ADGRG4: variants seen among roughly 807,000 people sequenced by gnomAD.
The protein encoded by ADGRG4 is adhesion G protein-coupled receptor G4, also known as G protein-coupled receptor 112.
In ADGRG4, 122 loss-of-function variants were observed where a neutral mutation model predicts 126.2. That is an observed-to-expected ratio of 0.97 (90% CI 0.83 to 1.12). ADGRG4 has a LOEUF of 1.12. ADGRG4 is among the 50% of genes most tolerant of loss of function. The probability of loss-of-function intolerance (pLI) is 0.00; values close to 1 mark genes in which losing one functional copy is unlikely to be tolerated. For missense variants in ADGRG4, 2,481 were observed against 2,251.8 expected (o/e 1.10, Z -2.06); for synonymous variants, 943 against 838.7 (o/e 1.12, Z -2.15).
intron 12 of ADGRG4, among the ~76,000 whole-genome samples, chrX:136,362,780 G>A (rs1019963876): frequency 1.8e-5 from 2 of 111,695 alleles, no homozygotes; most frequent in Admixed American, 9.5e-5. Flanking sequence ...TGAAAGTAAC[G>A]TCTCTTTCCT....
At position 136,371,324 on chromosome X, in the gene ADGRG4, C is replaced by T. The variant is rs766168876; in HGVS notation, c.7397-4C>T. On this transcript the variant is annotated splice_polypyrimidine_tract_variant and splice_region_variant and intron_variant, in intron 13 of 25. Transcript: ENST00000394143. ...GCTTTTATGTCTCAACTTTCTTTCC[C>T]CAGAGAATGCTGAGGATGTTGCAGA... 8 of 1,141,922 alleles carry T rather than the reference C, an allele frequency of 7.0e-6. No homozygotes were observed. In the East Asian group the frequency reaches 1.5e-4, roughly 22 times the overall value. 94.1% of individuals were successfully genotyped at this position (1,141,922 alleles called of 1,213,427 possible). A position where few individuals can be genotyped will look rare whatever the true frequency, so the allele number is the denominator to read the frequency against.
intron 8 of ADGRG4, among the ~76,000 whole-genome samples, chrX:136,355,264 T>TAAC (rs2075086600): frequency 9.2e-6 from 1 of 109,251 alleles, no homozygotes; most frequent in Non-Finnish European, 1.9e-5. Flanking sequence ...GAGACACATA[T>TAAC]AACACATCAG....
At chrX:136,342,194 AT>A (rs2074982885) in intron 5 of ADGRG4, among the ~76,000 whole-genome samples, 1 of 111,966 alleles carries the variant, frequency 8.9e-6, no homozygotes, top group African/African-American at 3.2e-5. Flanking sequence ...GTTCTCTGAG[AT>A]TTCTGTCTTC....
chrX:136,375,132 A>G (rs1440472696), intron 15 of ADGRG4, among the ~76,000 whole-genome samples: 1 of 111,068 alleles, frequency 9.0e-6, no homozygotes, highest in Non-Finnish European at 1.9e-5. Context: ...AGAATATATG[A>G]TATTTGGTTT....
intron 19 of ADGRG4, among the ~76,000 whole-genome samples, chrX:136,397,457 T>G (rs2075355851): frequency 9.1e-6 from 1 of 110,024 alleles, no homozygotes; most frequent in African/African-American, 3.3e-5. Flanking sequence ...GTTTGTTAAT[T>G]TTGTGAAGGC....
At chrX:136,362,957 T>C (rs2075137217) in intron 12 of ADGRG4, among the ~76,000 whole-genome samples, 1 of 111,600 alleles carries the variant, frequency 9.0e-6, no homozygotes, top group African/African-American at 3.3e-5. Flanking sequence ...ATTCCTAGAA[T>C]GGAGTGGGTG....
chrX:136,372,531 G>A (rs925970387), intron 14 of ADGRG4, among the ~76,000 whole-genome samples: 1 of 111,829 alleles, frequency 8.9e-6, no homozygotes, highest in African/African-American at 3.2e-5. Flanking sequence ...TCCATTACAC[G>A]TAGAATAAAA....
intron 16 of ADGRG4, among the ~76,000 whole-genome samples, chrX:136,388,532 A>G (rs1359759796): frequency 4.5e-5 from 5 of 112,254 alleles, no homozygotes; most frequent in Non-Finnish European, 9.4e-5. Flanking sequence ...AGAATTCCTT[A>G]TAGAGCTATT....
At chrX:136,371,590 A>T in intron 14 of ADGRG4, 46 bp downstream of exon 14, 1 of 788,137 alleles carries the variant, frequency 1.3e-6, no homozygotes, top group Non-Finnish European at 1.8e-6. Context: ...TAAAAAATTT[A>T]AAATGCAGAC....
At chrX:136,319,519 A>G (rs1402719251) in intron 4 of ADGRG4, among the ~76,000 whole-genome samples, 2 of 111,786 alleles carry the variant, frequency 1.8e-5, no homozygotes, top group African/African-American at 6.5e-5. Context: ...AGTGTTCTCT[A>G]TGTGCCAGAC....
At chrX:136,376,633 G>GTATTTTATTGTATTGTATTGTATTT (rs200926796) in intron 15 of ADGRG4, among the ~76,000 whole-genome samples, 2 of 34,442 alleles carry the variant, frequency 5.8e-5, no homozygotes, top group African/African-American at 2.1e-4. Context: ...CCTGGGTATT[G>GTATTTTATTGTATTGTATTGTATTT]TATTGTATTG....
At chrX:136,333,381 C>G (rs1322000681) in intron 5 of ADGRG4, among the ~76,000 whole-genome samples, 3 of 111,592 alleles carry the variant, frequency 2.7e-5, no homozygotes, top group Non-Finnish European at 5.6e-5. Context: ...CTCGGCCTCA[C>G]AAAGTGCTGG....
At chrX:136,382,060 C>T (rs1240351973) in intron 15 of ADGRG4, among the ~76,000 whole-genome samples, 4 of 111,526 alleles carry the variant, frequency 3.6e-5, no homozygotes, top group African/African-American at 9.8e-5. Context: ...GATCAATACT[C>T]TGTATTCTTC....
chrX:136,368,442 A>G (rs776366863), intron 13 of ADGRG4, among the ~76,000 whole-genome samples: 15 of 111,842 alleles, frequency 1.3e-4, no homozygotes, highest in African/African-American at 4.9e-4. Context: ...TGATGGGACT[A>G]ATTTTTAAGA....
Position 136,349,135 on chromosome X carries a change from A to G in ADGRG4, c.5429A>G (p.Tyr1810Cys), listed in dbSNP as rs778749471. ...TTAGAAAAGACTTCCTTAACAAACT[A>G]TGCCACATCTTTGAATACCCCTGTT... ...SLLEKTSLTN[Y>C]ATSLNTPVSY... Residue 1810 changes from tyrosine to cysteine, a missense_variant, in exon 6 of 26, where the codon TAT becomes TGT. Physicochemically the swap from Tyr to Cys is radical, Grantham distance 194. Coordinates refer to ENST00000394143, the MANE Select transcript of ADGRG4 (RefSeq NM_153834.4). 4.2e-6 allele frequency: 5 copies of G among 1,201,265 alleles called. No individual in the cohort carries two copies. The highest frequency in any genetic ancestry group is 4.5e-6 in the Non-Finnish European group (4 of 886,491).
At chrX:136,319,499 A>G (rs756955158) in intron 4 of ADGRG4, among the ~76,000 whole-genome samples, 1 of 111,693 alleles carries the variant, frequency 9.0e-6, no homozygotes, top group Admixed American at 9.5e-5. Flanking sequence ...TATTTATTTA[A>G]CTTTTATATA....
intron 5 of ADGRG4, among the ~76,000 whole-genome samples, chrX:136,331,903 G>A (rs866229885): frequency 7.6e-5 from 8 of 105,530 alleles, no homozygotes; most frequent in East Asian, 6.0e-4. Flanking sequence ...TGCAAGCTCC[G>A]CCTCCCGGGG....
At chrX:136,370,649 G>A (rs1029653264) in intron 13 of ADGRG4, among the ~76,000 whole-genome samples, 1 of 111,879 alleles carries the variant, frequency 8.9e-6, no homozygotes, top group Non-Finnish European at 1.9e-5. Context: ...ATAATATGGG[G>A]TTGGGGAAAA....
At chrX:136,320,310 G>T (rs1321475355) in intron 4 of ADGRG4, among the ~76,000 whole-genome samples, 1 of 112,006 alleles carries the variant, frequency 8.9e-6, no homozygotes, top group Non-Finnish European at 1.9e-5. Context: ...AAATTGCTGG[G>T]TCAAAGGATA....
Sources: gnomAD v4.1 joint callset for allele counts (sites outside exome capture counted in the v4.1 genomes callset) on GRCh38, gnomAD v4.1.1 for gene constraint, MANE v1.5 for transcripts, NCBI Gene and HGNC (gene_info 2026-07-23, HGNC 2026-07-21) for gene names.